NALCN: variants seen among roughly 807,000 people sequenced by gnomAD.
The protein encoded by NALCN is sodium leak channel NALCN.
A neutral mutation model predicts 225.3 loss-of-function variants in NALCN; 111 were observed. That is an observed-to-expected ratio of 0.49 (90% CI 0.42 to 0.58). NALCN has a LOEUF of 0.58. NALCN is among the 20% of genes least tolerant of loss of function. The pLI, the probability that NALCN is intolerant of heterozygous loss-of-function variation, is 0.00. For missense variants in NALCN, 1,378 were observed against 2,202.4 expected, an observed-to-expected ratio of 0.63 and a Z score of 7.49; for synonymous variants, 764 against 769.0, an observed-to-expected ratio of 0.99 and a Z score of 0.11.
chr13:101,276,133 C>T (rs551618655), intron 10 of NALCN, among the ~76,000 whole-genome samples: 1 of 144,744 alleles, frequency 6.9e-6, no homozygotes, highest in Non-Finnish European at 1.5e-5. Context: ...AGCACATCAG[C>T]AATGCACAGA....
intron 34 of NALCN, 37 bp from the exon 35 acceptor site, chr13:101,075,978 C>T (rs1425315982): frequency 6.4e-7 from 1 of 1,570,498 alleles, no homozygotes; most frequent in East Asian, 2.3e-5. Context: ...TCATAATTTG[C>T]ACAAAAGATC....
In NALCN at chr13:101,387,440, A is replaced by T. The variant is rs1439357935; in HGVS notation, c.291+7743T>A. The stretch of plus-strand genomic sequence containing the variant: ...TATTTGCACAACTCTGTTCCAAACA[A>T]TGTGAAAACTTACTATGAAAAGTGT... On this transcript the variant is annotated intron_variant, in intron 3 of 43. Coordinates refer to ENST00000251127, the MANE Select transcript of NALCN (RefSeq NM_052867.4). 2.0e-5 allele frequency among the ~76,000 whole-genome samples: 3 copies of T among 152,170 alleles called. No individual in the cohort carries two copies. In the East Asian group the frequency reaches 5.8e-4, roughly 29 times the overall value.
At chr13:101,339,997 G>C (rs2045504507) in intron 7 of NALCN, among the ~76,000 whole-genome samples, 3 of 148,830 alleles carry the variant, frequency 2.0e-5, no homozygotes, top group Non-Finnish European at 4.5e-5. Flanking sequence ...GGCGGGTACA[G>C]TGGCTCACGC....
intron 11 of NALCN, among the ~76,000 whole-genome samples, chr13:101,256,720 A>G (rs998655642): frequency 1.3e-5 from 2 of 151,032 alleles, no homozygotes; most frequent in African/African-American, 4.9e-5. Context: ...TCCCTGTGTT[A>G]GAAATTTACC....
At chr13:101,262,175 C>A (rs1212857070) in intron 10 of NALCN, among the ~76,000 whole-genome samples, 1 of 152,162 alleles carries the variant, frequency 6.6e-6, no homozygotes, top group African/African-American at 2.4e-5. Flanking sequence ...GTTGAATCAT[C>A]CTTGTATCCC....
chr13:101,256,507 G>A (rs531463416), intron 11 of NALCN, among the ~76,000 whole-genome samples: 1 of 152,156 alleles, frequency 6.6e-6, no homozygotes. Flanking sequence ...TGGTATCACT[G>A]TAAATCCATA....
chr13:101,084,493 G>A (rs771369644), intron 30 of NALCN, among the ~76,000 whole-genome samples: 1 of 152,200 alleles, frequency 6.6e-6, no homozygotes, highest in Middle Eastern at 3.4e-3. Context: ...CCCTTCAGGC[G>A]TGCATCCTCC....
intron 39 of NALCN, 57 bp from the exon 40 acceptor site, chr13:101,065,618 T>C: frequency 6.4e-7 from 1 of 1,564,980 alleles, no homozygotes; most frequent in Non-Finnish European, 8.6e-7. Context: ...TTCACTTGGG[T>C]TTCTCAAAAG....
intron 7 of NALCN, among the ~76,000 whole-genome samples, chr13:101,298,253 G>A (rs543240092): frequency 4.6e-5 from 7 of 152,018 alleles, no homozygotes; most frequent in Non-Finnish European, 1.0e-4. Context: ...GATGGGGTGG[G>A]TTGTGCTATA....
intron 14 of NALCN, among the ~76,000 whole-genome samples, chr13:101,176,795 T>C (rs1439297888): frequency 1.3e-5 from 2 of 152,178 alleles, no homozygotes; most frequent in Non-Finnish European, 2.9e-5. Flanking sequence ...AATACAGTTA[T>C]AGAGATTTAT....
chr13:101,237,942 T>C lies in NALCN; in HGVS notation c.1267-20A>G, dbSNP rs752548667. On this transcript the variant is annotated intron_variant, in intron 11 of 43. Coordinates refer to ENST00000251127, the MANE Select transcript of NALCN (RefSeq NM_052867.4). ...AGCCACCTAGAGAAACAAAGAAACA[T>C]TGAAATTGAAATTCAGAACTATAAT... 6.4e-7 allele frequency: 1 copy of C among 1,566,076 alleles called. No individual in the cohort carries two copies. The highest frequency in any genetic ancestry group is 1.4e-5 in the African/African-American group (1 of 72,204).
At chr13:101,127,571 T>A (rs1835527492) in intron 17 of NALCN, among the ~76,000 whole-genome samples, 1 of 152,156 alleles carries the variant, frequency 6.6e-6, no homozygotes, top group Admixed American at 6.5e-5. Flanking sequence ...TTGGCCAGGC[T>A]GGCCTCAAAC....
In NALCN at chr13:101,378,179, G is replaced by A. The variant is rs184778817; in HGVS notation, c.375+391C>T. ...ATAATTTTCTATAGTATTGATTTTC[G>A]TTTCTGATTGAGAAATAATTCACAA... On this transcript the variant is annotated intron_variant, in intron 4 of 43. Coordinates refer to ENST00000251127, the MANE Select transcript of NALCN (RefSeq NM_052867.4). Among the ~76,000 whole-genome samples the A allele has an allele frequency of 4.0e-3, 601 of 151,288 alleles. 9 individuals are homozygous for A. The highest frequency in any genetic ancestry group is 1.6e-3 in the African/African-American group (66 of 41,282).
At chr13:101,361,399 CA>C (rs1213857231) in intron 6 of NALCN, among the ~76,000 whole-genome samples, 4 of 152,152 alleles carry the variant, frequency 2.6e-5, no homozygotes, top group African/African-American at 9.7e-5. Flanking sequence ...TTAAAATAAG[CA>C]ATCGTAATTA....
At chr13:101,262,733 T>C (rs2042471153) in intron 10 of NALCN, among the ~76,000 whole-genome samples, 1 of 152,162 alleles carries the variant, frequency 6.6e-6, no homozygotes, top group African/African-American at 2.4e-5. Context: ...TGTATGTGTT[T>C]CATGGGGTCT....
intron 28 of NALCN, among the ~76,000 whole-genome samples, chr13:101,094,666 T>C (rs570361255): frequency 4.7e-4 from 72 of 152,138 alleles, no homozygotes; most frequent in Non-Finnish European, 9.1e-4. Flanking sequence ...TTTTCTCAGT[T>C]CTTGGATATT....
intron 12 of NALCN, among the ~76,000 whole-genome samples, chr13:101,236,509 A>G (rs2041558975): frequency 6.6e-6 from 1 of 152,162 alleles, no homozygotes; most frequent in Non-Finnish European, 1.5e-5. Flanking sequence ...ACTTGGAACC[A>G]ACCCAAATGT....
At chr13:101,365,138 G>T (rs1566619304) in intron 6 of NALCN, among the ~76,000 whole-genome samples, 1 of 151,984 alleles carries the variant, frequency 6.6e-6, no homozygotes, top group Non-Finnish European at 1.5e-5. Flanking sequence ...AGATTGTTTC[G>T]CCACTCAGCT....
chr13:101,240,896 A>G (rs1245623019), intron 11 of NALCN, among the ~76,000 whole-genome samples: 1 of 152,136 alleles, frequency 6.6e-6, no homozygotes, highest in Non-Finnish European at 1.5e-5. Flanking sequence ...GTTGGATTTT[A>G]TTGGGTAATA....
Sources: allele counts gnomAD v4.1 joint callset (sites outside exome capture counted in the v4.1 genomes callset), GRCh38; gene constraint gnomAD v4.1.1; transcripts MANE v1.5; gene names NCBI Gene and HGNC (gene_info 2026-07-23, HGNC 2026-07-21).